The following MBD2 variants were observed in gnomAD, a reference collection of about 807,000 sequenced individuals.
MBD2 encodes the protein methyl-CpG binding domain protein 2.
Under a neutral mutation model 39.3 loss-of-function variants are expected in MBD2, and 9 were observed. The ratio of observed to expected loss-of-function variants is 0.23; its 90% CI spans 0.14 to 0.40. The LOEUF is 0.40. Ranked by LOEUF, MBD2 falls within the 10% of genes least tolerant of loss-of-function variation. The probability of loss-of-function intolerance (pLI) is 1.00; values close to 1 mark genes in which losing one functional copy is unlikely to be tolerated. For synonymous variants in MBD2, 233 were observed against 211.1 expected (o/e 1.10, Z -0.90); for missense variants, 458 against 532.6 (o/e 0.86, Z 1.38).
At chr18:54,182,226 G>C (rs2086256406) in intron 3 of MBD2, among the ~76,000 whole-genome samples, 1 of 152,164 alleles carries the variant, frequency 6.6e-6, no homozygotes, top group Non-Finnish European at 1.5e-5. Flanking sequence ...ACATAATAGA[G>C]AAATTGGGGA....
chr18:54,212,421 G>C (rs1467762149), intron 1 of MBD2, among the ~76,000 whole-genome samples: 2 of 152,046 alleles, frequency 1.3e-5, no homozygotes, highest in Non-Finnish European at 2.9e-5. Context: ...TTCTGCACTG[G>C]TAGAAATTTT....
At chr18:54,168,910 C>T (rs2086157928) in intron 3 of MBD2, among the ~76,000 whole-genome samples, 1 of 152,002 alleles carries the variant, frequency 6.6e-6, no homozygotes, top group Non-Finnish European at 1.5e-5. Flanking sequence ...TCCATCTTCT[C>T]AGATCCCTGT....
chr18:54,162,619 G>A (rs1301194914), intron 5 of MBD2, among the ~76,000 whole-genome samples: 2 of 152,208 alleles, frequency 1.3e-5, no homozygotes, highest in Middle Eastern at 3.4e-3. Flanking sequence ...GAGAACCTCC[G>A]TCAACACATA....
intron 2 of MBD2, among the ~76,000 whole-genome samples, chr18:54,194,185 A>G (rs2086345783): frequency 6.6e-6 from 1 of 151,032 alleles, no homozygotes; most frequent in Admixed American, 6.6e-5. Flanking sequence ...TTTTAATGTA[A>G]TCAGTTGCAA....
rs2086023006 is a variant in MBD2, at chr18:54,151,787, T to G, written c.*3537A>C. The G allele has an allele frequency of 6.6e-6, 1 of 150,680 alleles. No individual in the cohort carries two copies. Among genetic ancestry groups the G allele is most frequent in the Non-Finnish European group, 1.5e-5 (1 of 67,896 alleles). The allele number at this position is 150,680 out of a possible 1,614,324, so 9.3% of individuals were successfully genotyped here. A position where few individuals can be genotyped will look rare whatever the true frequency, so the allele number is the denominator to read the frequency against. On this transcript the variant is annotated 3_prime_UTR_variant, in exon 7 of 7. Coordinates refer to ENST00000256429, the MANE Select transcript of MBD2 (RefSeq NM_003927.5). Reference sequence around the variant, plus strand: ...AAAAATCCAAACGAGTAATCTTATATTCAAAGAGATTGTATAACACTCTCT... The same window carrying G: ...AAAAATCCAAACGAGTAATCTTATAGTCAAAGAGATTGTATAACACTCTCT...
chr18:54,156,687 A>C (rs1270788081), intron 6 of MBD2, among the ~76,000 whole-genome samples: 3 of 152,136 alleles, frequency 2.0e-5, no homozygotes, highest in Non-Finnish European at 4.4e-5. Flanking sequence ...AACCGTCTCT[A>C]GAAAAAATAC....
chr18:54,154,053 A>T lies in MBD2; in HGVS notation c.*1271T>A, dbSNP rs1177001342. ...AATTGGTCATACCCCTGACTGCATC[A>T]TTTAGGTTCTAATTTTAAAAGAACT... On this transcript the variant is annotated 3_prime_UTR_variant, in exon 7 of 7. Transcript: ENST00000256429. 5 of 152,202 alleles carry T rather than the reference A, an allele frequency of 3.3e-5. No homozygotes were observed. Among genetic ancestry groups the T allele is most frequent in the Admixed American group, 1.3e-4 (2 of 15,286 alleles). 9.4% of individuals were successfully genotyped at this position (152,202 alleles called of 1,614,324 possible).
chr18:54,189,025 T>C lies in MBD2; in HGVS notation c.703-14A>G. On this transcript the variant is annotated splice_polypyrimidine_tract_variant and intron_variant, in intron 2 of 6. Coordinates refer to ENST00000256429, the MANE Select transcript of MBD2 (RefSeq NM_003927.5). ...GTCTGGTTTACCCTGTGAATATAAA[T>C]GTATTTTTATTTAAAATATTATATA... The C allele has an allele frequency of 6.5e-7, 1 of 1,533,736 alleles. No homozygotes were observed. The highest frequency in any genetic ancestry group is 8.9e-7 in the Non-Finnish European group (1 of 1,127,528).
At chr18:54,206,899 G>A (rs1239175330) in intron 1 of MBD2, among the ~76,000 whole-genome samples, 4 of 152,162 alleles carry the variant, frequency 2.6e-5, no homozygotes, top group East Asian at 1.9e-4. Context: ...AATATTGTCC[G>A]AAACTTGAAC....
chr18:54,182,394 C>T (rs568613924), intron 3 of MBD2, among the ~76,000 whole-genome samples: 42 of 152,070 alleles, frequency 2.8e-4, no homozygotes, highest in African/African-American at 9.6e-4. Context: ...AAGAAACAGC[C>T]GCTGAAGGAG....
intron 3 of MBD2, among the ~76,000 whole-genome samples, chr18:54,187,059 C>T (rs1355273040): frequency 6.6e-6 from 1 of 152,160 alleles, no homozygotes; most frequent in African/African-American, 2.4e-5. Context: ...CAGGTAAACA[C>T]CCAGTAAATA....
At chr18:54,199,340 T>A (rs1353683259) in intron 2 of MBD2, among the ~76,000 whole-genome samples, 1 of 152,214 alleles carries the variant, frequency 6.6e-6, no homozygotes, top group Non-Finnish European at 1.5e-5. Context: ...GTTTTCCAGG[T>A]TGTTGTAACA....
intron 2 of MBD2, chr18:54,202,747 G>A: frequency 2.1e-6 from 3 of 1,434,892 alleles, no homozygotes; most frequent in Non-Finnish European, 2.8e-6. Context: ...GAATGAGGTG[G>A]ATGGTAAATC....
At position 54,153,709 on chromosome 18, in the gene MBD2, C is replaced by A. The variant is rs984443762; in HGVS notation, c.*1615G>T. 6.6e-6 allele frequency: 1 copy of A among 152,184 alleles called. No individual in the cohort carries two copies. The highest frequency in any genetic ancestry group is 2.4e-5 in the African/African-American group (1 of 41,416). 9.4% of individuals were successfully genotyped at this position (152,184 alleles called of 1,614,324 possible). A position where few individuals can be genotyped will look rare whatever the true frequency, so the allele number is the denominator to read the frequency against. On this transcript the variant is annotated 3_prime_UTR_variant, in exon 7 of 7. Transcript: ENST00000256429. ...GAAATCACTATGATCCTCACCCCCACCCCAGTTGGGACAGTCTGATGGGGC... is the reference window on the plus strand; with the variant it reads ...GAAATCACTATGATCCTCACCCCCAACCCAGTTGGGACAGTCTGATGGGGC...
intron 1 of MBD2, among the ~76,000 whole-genome samples, chr18:54,223,489 TGTCA>T (rs1389207133): frequency 6.6e-6 from 1 of 152,214 alleles, no homozygotes; most frequent in Non-Finnish European, 1.5e-5. Context: ...TAGTACAGTG[TGTCA>T]GTTTCAAAAG....
rs1475597993 is a variant in MBD2 at position 54,153,408 on chromosome 18, C to T, written c.*1916G>A. 1 of 151,758 alleles carries T rather than the reference C, an allele frequency of 6.6e-6. No homozygotes were observed. The highest frequency in any genetic ancestry group is 1.5e-5 in the Non-Finnish European group (1 of 67,986). 9.4% of individuals were successfully genotyped at this position (151,758 alleles called of 1,614,324 possible). A position where few individuals can be genotyped will look rare whatever the true frequency, so the allele number is the denominator to read the frequency against. On this transcript the variant is annotated 3_prime_UTR_variant, in exon 7 of 7. Coordinates refer to ENST00000256429, the MANE Select transcript of MBD2 (RefSeq NM_003927.5). ...CTTATGGGATGGTCCCCAAGGGACA[C>T]CATATAATGGCTTTCATACCTTGTT... is the stretch of plus-strand genomic sequence containing the variant.
intron 3 of MBD2, among the ~76,000 whole-genome samples, chr18:54,173,463 G>A (rs1468155966): frequency 1.3e-5 from 2 of 152,184 alleles, no homozygotes; most frequent in Non-Finnish European, 2.9e-5. Context: ...CAAGTATGAC[G>A]CAGCAGTAGA....
chr18:54,158,708 G>A (rs1243904178), intron 6 of MBD2, among the ~76,000 whole-genome samples: 2 of 152,162 alleles, frequency 1.3e-5, no homozygotes, highest in East Asian at 3.8e-4. Context: ...TGCAACCTCT[G>A]CCTCCCGGGT....
At chr18:54,167,949 GAA>G (rs746110821) in intron 3 of MBD2, among the ~76,000 whole-genome samples, 1 of 58,200 alleles carries the variant, frequency 1.7e-5, no homozygotes. Flanking sequence ...CACAGCTATA[GAA>G]AAAAAAAAAA....
Sources: allele counts gnomAD v4.1 joint callset (sites outside exome capture counted in the v4.1 genomes callset), GRCh38; gene constraint gnomAD v4.1.1; transcripts MANE v1.5; gene names NCBI Gene and HGNC (gene_info 2026-07-23, HGNC 2026-07-21).